Variants in ACOT11 observed in about 807,000 individuals in gnomAD.
ACOT11 encodes the protein acyl-CoA thioesterase 11, also known as acyl-coenzyme A thioesterase 11.
Under a neutral mutation model 77.5 loss-of-function variants are expected in ACOT11, and 69 were observed. The observed-to-expected ratio is 0.89, with a 90% CI of 0.73 to 1.09. The LOEUF is 1.09. ACOT11 is among the 50% of genes least tolerant of loss of function. The pLI, the probability that ACOT11 is intolerant of heterozygous loss-of-function variation, is 0.00. For missense variants in ACOT11, 766 were observed against 813.7 expected (o/e 0.94, Z 0.71); for synonymous variants, 279 against 313.0 (o/e 0.89, Z 1.15).
chr1:54,592,471 T>C, intron 3 of ACOT11, 75 bp from the exon 4 acceptor site: 1 of 1,404,348 alleles, frequency 7.1e-7, no homozygotes, highest in South Asian at 1.3e-5. Context: ...CAAGAGAGGC[T>C]CTGCAAGTAT....
chr1:54,601,468 C>T (rs1643962647), intron 9 of ACOT11, 55 bp downstream of exon 9: 3 of 1,584,630 alleles, frequency 1.9e-6, no homozygotes, highest in Non-Finnish European at 2.6e-6. Context: ...TCCCTCTCTG[C>T]CCTGGCATGG....
rs777268718 is a variant in ACOT11 at position 54,597,377 on chromosome 1, C to A, written c.726C>A (p.Ile242=). 1.5e-5 allele frequency: 24 copies of A among 1,613,776 alleles called. No homozygotes were observed. Among genetic ancestry groups the A allele is most frequent in the Non-Finnish European group, 2.0e-5 (24 of 1,179,946 alleles). ...NHQGNTFGGQ[I]MAWMENVATI... ...AGGGCAACACCTTTGGGGGCCAGATCATGGCCTGGATGGAGAATGTGGCCA... is the reference window on the plus strand; with the variant it reads ...AGGGCAACACCTTTGGGGGCCAGATAATGGCCTGGATGGAGAATGTGGCCA... The change falls in exon 7 of 16, where the codon ATC becomes ATA. Residue 242 remains isoleucine (I), a synonymous_variant. Transcript: ENST00000343744.
At chr1:54,611,359 C>T (rs904542798), downstream of ACOT11, among the ~76,000 whole-genome samples, 89 of 152,116 alleles carry the variant, frequency 5.9e-4, 1 homozygote, top group African/African-American at 1.9e-3. Context: ...GAGATTGCGC[C>T]GCTGCACTCC....
chr1:54,592,225 C>G (rs922725075), intron 3 of ACOT11, among the ~76,000 whole-genome samples: 4 of 152,074 alleles, frequency 2.6e-5, no homozygotes, highest in African/African-American at 9.7e-5. Flanking sequence ...GCGAGGGGTC[C>G]CCTGAGGAGG....
At position 54,609,877 on chromosome 1, in the gene ACOT11, G is replaced by GT. The variant is rs1644094970; in HGVS notation, c.*765_*766insT. On this transcript the variant is annotated 3_prime_UTR_variant, in exon 16 of 16. Transcript: ENST00000343744. ...TGTTGCCACTTGGAGTATGAACAAT[G>GT]GGCACGGGGTTTTCAGCCACAGTTC... 1 of 1,613,372 alleles carries GT rather than the reference G, an allele frequency of 6.2e-7. No homozygotes were observed. Among genetic ancestry groups the GT allele is most frequent in the South Asian group, 1.1e-5 (1 of 91,092 alleles).
intron 1 of ACOT11, among the ~76,000 whole-genome samples, chr1:54,578,946 A>G (rs1482642031): frequency 6.6e-6 from 1 of 152,200 alleles, no homozygotes; most frequent in African/African-American, 2.4e-5. Context: ...GAATACATAT[A>G]GGAGATGCTT....
intron 1 of ACOT11, among the ~76,000 whole-genome samples, chr1:54,581,069 G>T (rs528496174): frequency 1.2e-4 from 19 of 152,316 alleles, no homozygotes; most frequent in African/African-American, 4.3e-4. Flanking sequence ...GCCTGGTGAG[G>T]CTTGCTCTTT....
chr1:54,594,838 C>A, intron 6 of ACOT11, 147 bp downstream of exon 6: 1 of 1,116,884 alleles, frequency 9.0e-7, no homozygotes, highest in Non-Finnish European at 1.2e-6. Flanking sequence ...GCCCTCTTGG[C>A]TCCGAGGTCT....
At chr1:54,590,760 T>C (rs1347419411) in intron 3 of ACOT11, among the ~76,000 whole-genome samples, 1 of 152,120 alleles carries the variant, frequency 6.6e-6, no homozygotes. Flanking sequence ...ACATATACTT[T>C]TTTTCTTGTT....
rs398102726 is a variant in ACOT11, at chr1:54,554,529, T to TA, written c.33+6189dup. 4.6e-5 allele frequency among the ~76,000 whole-genome samples: 7 copies of TA among 151,078 alleles called. No individual in the cohort carries two copies. The South Asian group carries it at 1.1e-3, about 23-fold the overall frequency. On this transcript the variant is annotated intron_variant, in intron 1 of 15. Transcript: ENST00000343744. ...CACTGTGCCCAGCTAATTTTTTTTTTAAGTTTTTGTAGAGATGGGTTCTCT... is the reference window on the plus strand; with the variant it reads ...CACTGTGCCCAGCTAATTTTTTTTTTAAAGTTTTTGTAGAGATGGGTTCTCT...
chr1:54,610,342 G>A, downstream of ACOT11: 1 of 1,575,148 alleles, frequency 6.3e-7, no homozygotes, highest in South Asian at 1.2e-5. Flanking sequence ...GAGACCGGCG[G>A]TACCTGCCCC....
chr1:54,587,291 G>T (rs973951813), intron 3 of ACOT11, among the ~76,000 whole-genome samples: 2 of 152,052 alleles, frequency 1.3e-5, no homozygotes, highest in African/African-American at 4.8e-5. Context: ...TACGCGGGTG[G>T]ATCACGAGGT....
chr1:54,574,098 A>C (rs1654019185), intron 1 of ACOT11, among the ~76,000 whole-genome samples: 1 of 151,932 alleles, frequency 6.6e-6, no homozygotes, highest in Non-Finnish European at 1.5e-5. Flanking sequence ...AGGAAGAATG[A>C]TTGTTCTCAA....
rs927333013 is a variant in ACOT11 at position 54,630,113 on chromosome 1, A to T, written c.1630-621A>T. 4.5e-5 allele frequency among the ~76,000 whole-genome samples: 6 copies of T among 132,718 alleles called. 1 individual carries two copies. Among genetic ancestry groups the T allele is most frequent in the African/African-American group, 1.5e-4 (6 of 39,246 alleles). The allele number at this position is 132,718 out of a possible 152,430, so 87.1% of individuals were successfully genotyped here. A position where few individuals can be genotyped will look rare whatever the true frequency, so the allele number is the denominator to read the frequency against. ...ACGAGGTTTCACCATGTTGACCAGG[A>T]TGGTCTCGATCTCTTGACCTCGTGA... On this transcript the variant is annotated intron_variant, in intron 15 of 16. Transcript: ENST00000371316.
chr1:54,608,059 G>A lies in ACOT11; in HGVS notation c.1620G>A (p.Gln540=). 1 of 1,611,454 alleles carries A rather than the reference G, an allele frequency of 6.2e-7. No individual in the cohort carries two copies. ...TCTGCCTCTGGCGCGAGGGGGACCA[G>A]CTGACCAAGGTGAGGCCGGTCCCCC... ...SGFCLWREGD[Q]LTKVSYYNQA... The change falls in exon 15 of 16, where the codon CAG becomes CAA. Residue 540 remains glutamine (Q), a synonymous_variant. Coordinates refer to ENST00000343744, the MANE Select transcript of ACOT11 (RefSeq NM_147161.4).
chr1:54,611,331 C>T (rs1451887091), downstream of ACOT11, among the ~76,000 whole-genome samples: 1 of 151,990 alleles, frequency 6.6e-6, no homozygotes, highest in South Asian at 2.1e-4. Flanking sequence ...ACCCAGGAGG[C>T]GGAGGTTACA....
At chr1:54,632,753 A>T (rs1015597358) in intron 16 of ACOT11, among the ~76,000 whole-genome samples, 5 of 152,216 alleles carry the variant, frequency 3.3e-5, no homozygotes, top group Non-Finnish European at 5.9e-5. Flanking sequence ...CGGACATTTC[A>T]CTCATTTCTG....
At chr1:54,638,161 T>A (rs933732602) in exon 17 of ACOT11, 7 of 151,788 alleles carry the variant, frequency 4.6e-5, no homozygotes, top group African/African-American at 1.7e-4. Context: ...AAAAATAGAT[T>A]TGGGCTGGGC....
chr1:54,632,151 C>T (rs1022853802), intron 16 of ACOT11, among the ~76,000 whole-genome samples: 2 of 152,024 alleles, frequency 1.3e-5, no homozygotes, highest in African/African-American at 4.8e-5. Context: ...AAGGAAAACA[C>T]TGGGCTAGTC....
Sources: gnomAD v4.1 joint callset for allele counts (sites outside exome capture counted in the v4.1 genomes callset) on GRCh38, gnomAD v4.1.1 for gene constraint, MANE v1.5 for transcripts, NCBI Gene and HGNC (gene_info 2026-07-23, HGNC 2026-07-21) for gene names.